Variants in CRISP1 observed in about 807,000 individuals in gnomAD.
CRISP1 encodes the protein cysteine rich secretory protein 1, also known as cysteine-rich secretory protein 1.
CRISP1 carries 44 observed loss-of-function variants against 33.1 expected under a neutral mutation model. The ratio of observed to expected loss-of-function variants is 1.33; its 90% CI spans 1.05 to 1.71. CRISP1 has a LOEUF of 1.71. Ranked by LOEUF, CRISP1 falls within the 40% of genes most tolerant of loss-of-function variation. The pLI is 0.00. For synonymous variants in CRISP1, 103 were observed against 98.7 expected (o/e 1.04, Z -0.26); for missense variants, 390 against 301.2 (o/e 1.29, Z -2.18).
In CRISP1 at chr6:49,862,906, G is replaced by A. The variant is rs562716749; in HGVS notation, c.-3+3523C>T. ...TGGGGTGACTGAGTCAAAATATGAG[G>A]GTAAAAGTTAATAATTCAACATCAG... is the stretch of plus-strand genomic sequence containing the variant. On this transcript the variant is annotated intron_variant, in intron 1 of 7. Transcript: ENST00000335847. Among the ~76,000 whole-genome samples the A allele has an allele frequency of 8.6e-5, 13 of 151,802 alleles. No homozygotes were observed. The East Asian group carries it at 2.5e-3, about 29-fold the overall frequency.
intron 1 of CRISP1, among the ~76,000 whole-genome samples, chr6:49,860,306 T>A (rs561347756): frequency 9.8e-4 from 149 of 152,266 alleles, no homozygotes; most frequent in African/African-American, 3.5e-3. Context: ...ATCCAACAGC[T>A]ACAAAGTGCA....
chr6:49,875,431 C>A (rs951733648), intron 1 of CRISP1, among the ~76,000 whole-genome samples: 1 of 152,062 alleles, frequency 6.6e-6, no homozygotes, highest in Non-Finnish European at 1.5e-5. Flanking sequence ...ATTCCATGCT[C>A]ATGGATAGGA....
At chr6:49,845,880 A>C (rs1771149678) in intron 5 of CRISP1, among the ~76,000 whole-genome samples, 1 of 152,208 alleles carries the variant, frequency 6.6e-6, no homozygotes, top group African/African-American at 2.4e-5. Flanking sequence ...TAAAGCAGAC[A>C]CAAAAGGACA....
upstream of CRISP1, chr6:49,866,651 G>T (rs937659199): frequency 2.6e-5 from 4 of 152,108 alleles, no homozygotes; most frequent in African/African-American, 9.7e-5. Flanking sequence ...TACAAATCAT[G>T]ATTATGGGGA....
chr6:49,839,880 AT>A (rs777959602), intron 6 of CRISP1, among the ~76,000 whole-genome samples: 3 of 152,216 alleles, frequency 2.0e-5, no homozygotes, highest in Non-Finnish European at 4.4e-5. Flanking sequence ...CTCTGAATCA[AT>A]AGTGATAGTG....
At chr6:49,846,396 A>G (rs899275694) in intron 5 of CRISP1, 124 bp downstream of exon 5, 10 of 984,334 alleles carry the variant, frequency 1.0e-5, no homozygotes, top group Non-Finnish European at 1.4e-5. Flanking sequence ...TATAAGAGGA[A>G]CTCAGTAAAT....
upstream of CRISP1, among the ~76,000 whole-genome samples, chr6:49,868,881 A>G (rs1431640456): frequency 6.6e-6 from 1 of 152,208 alleles, no homozygotes; most frequent in Non-Finnish European, 1.5e-5. Flanking sequence ...TATGTTGCAC[A>G]TAAAATAAAG....
chr6:49,838,500 C>A lies in CRISP1; in HGVS notation c.559G>T (p.Glu187Ter), dbSNP rs762436767. The A allele has an allele frequency of 2.0e-5, 33 of 1,612,722 alleles. No homozygotes were observed. The highest frequency in any genetic ancestry group is 2.6e-5 in the Non-Finnish European group (31 of 1,179,490). Reference sequence around the variant, plus strand: ...CATGGGACGCCTGTCTTATAAGGTTCATTCTTTGTTTCAGGATCATTTCCC... The same window carrying A: ...CATGGGACGCCTGTCTTATAAGGTTAATTCTTTGTTTCAGGATCATTTCCC... ...HEGNDPETKN[E>*]PYKTGVPCEA... The change falls in exon 7 of 8, where the codon GAA becomes TAA. Residue 187 changes from glutamate to a stop codon, truncating the protein, a stop_gained. Coordinates refer to ENST00000335847, the MANE Select transcript of CRISP1 (RefSeq NM_001131.3). LOFTEE classifies it high-confidence loss of function.
chr6:49,835,237 A>C lies in CRISP1; in HGVS notation c.*79T>G. On this transcript the variant is annotated 3_prime_UTR_variant, in exon 8 of 8. Coordinates refer to ENST00000335847, the MANE Select transcript of CRISP1 (RefSeq NM_001131.3). Reference sequence around the variant, plus strand: ...CAGTGAAATTTAGCAGAAGCTACTGAACTATAGCAAAAGACATGAATCCAA... The same window carrying C: ...CAGTGAAATTTAGCAGAAGCTACTGCACTATAGCAAAAGACATGAATCCAA... The C allele has an allele frequency of 1.0e-5, 15 of 1,480,868 alleles. No individual in the cohort carries two copies. The highest frequency in any genetic ancestry group is 1.4e-5 in the Non-Finnish European group (15 of 1,086,382). The allele number at this position is 1,480,868 out of a possible 1,614,324, so 91.7% of individuals were successfully genotyped here. A position where few individuals can be genotyped will look rare whatever the true frequency, so the allele number is the denominator to read the frequency against.
At chr6:49,851,777 G>C (rs564301062) in intron 3 of CRISP1, among the ~76,000 whole-genome samples, 1 of 152,110 alleles carries the variant, frequency 6.6e-6, no homozygotes, top group Admixed American at 6.6e-5. Context: ...ACTGTCTTAG[G>C]GTGTGGAGGA....
At chr6:49,846,747 T>G (rs1771187333) in intron 4 of CRISP1, 79 bp from the exon 5 acceptor site, 2 of 1,351,144 alleles carry the variant, frequency 1.5e-6, no homozygotes, top group Non-Finnish European at 1.0e-6. Flanking sequence ...CATTTTTATT[T>G]TATGAATGGT....
chr6:49,848,226 A>G lies in CRISP1; in HGVS notation c.269T>C (p.Leu90Pro), dbSNP rs1234219369. Residue 90 changes from leucine to proline, a missense_variant, in exon 4 of 8, where the codon CTT (leucine) becomes CCT (proline). Transcript: ENST00000335847. Reference sequence around the variant, plus strand: ...ACACTTACTTGGAAGTCTCCTCTCAAGGGGGTTGCTCTCTGTCATATCACA... The same window carrying G: ...ACACTTACTTGGAAGTCTCCTCTCAGGGGGGTTGCTCTCTGTCATATCACA... The part of the protein sequence containing the change: ...KYCDMTESNP[L>P]ERRLPNTFCG... 30 of 1,597,948 alleles carry G rather than the reference A, an allele frequency of 1.9e-5. No homozygotes were observed. Among genetic ancestry groups the G allele is most frequent in the Non-Finnish European group, 2.3e-5 (27 of 1,173,460 alleles).
chr6:49,844,489 T>C (rs1771094317), intron 5 of CRISP1, among the ~76,000 whole-genome samples: 1 of 152,070 alleles, frequency 6.6e-6, no homozygotes, highest in African/African-American at 2.4e-5. Context: ...CTGCTTAGCT[T>C]CAAACAGTGT....
upstream of CRISP1, among the ~76,000 whole-genome samples, chr6:49,871,140 C>G (rs1008989952): frequency 4.2e-4 from 56 of 133,312 alleles, no homozygotes; most frequent in African/African-American, 1.5e-3. Flanking sequence ...AAAAAAAAAA[C>G]AAAGAAAGAA....
chr6:49,871,103 C>CAAAACA (rs1269833976), upstream of CRISP1, among the ~76,000 whole-genome samples: 2 of 123,624 alleles, frequency 1.6e-5, no homozygotes, highest in African/African-American at 3.2e-5. Context: ...AACTCCATCT[C>CAAAACA]AAAACAAAAA....
intron 7 of CRISP1, among the ~76,000 whole-genome samples, 170 bp from the exon 8 acceptor site, chr6:49,835,613 T>C (rs1381627645): frequency 5.3e-5 from 8 of 152,228 alleles, no homozygotes; most frequent in Non-Finnish European, 1.0e-4. Flanking sequence ...GATAAGATCA[T>C]GTATGAAAAG....
At chr6:49,849,602 G>A (rs532197796) in intron 3 of CRISP1, among the ~76,000 whole-genome samples, 1 of 152,224 alleles carries the variant, frequency 6.6e-6, no homozygotes, top group African/African-American at 2.4e-5. Flanking sequence ...CCTTATATGT[G>A]CATATAACAG....
At position 49,849,503 on chromosome 6, in the gene CRISP1, T is replaced by C. The variant is rs753436081; in HGVS notation, c.196-1204A>G. ...CATGAAAGCCTTTCTTCCCAGGCAA[T>C]GGGCAATACTCATTTTTGTGCTGCA... On this transcript the variant is annotated intron_variant, in intron 3 of 7. Coordinates refer to ENST00000335847, the MANE Select transcript of CRISP1 (RefSeq NM_001131.3). Among the ~76,000 whole-genome samples the C allele has an allele frequency of 2.1e-4, 32 of 152,258 alleles. No individual in the cohort carries two copies. In the Middle Eastern group the frequency reaches 0.01, roughly 49 times the overall value.
chr6:49,856,270 A>G (rs1314892719), intron 2 of CRISP1, among the ~76,000 whole-genome samples: 3 of 152,166 alleles, frequency 2.0e-5, no homozygotes, highest in Non-Finnish European at 2.9e-5. Context: ...TCTTGATGGC[A>G]AATATAGGTT....
Sources: gnomAD v4.1 joint callset for allele counts (sites outside exome capture counted in the v4.1 genomes callset) on GRCh38, gnomAD v4.1.1 for gene constraint, MANE v1.5 for transcripts, NCBI Gene and HGNC (gene_info 2026-07-23, HGNC 2026-07-21) for gene names.